Variants in KIAA0825 observed in about 807,000 individuals in gnomAD.
KIAA0825 encodes uncharacterized protein KIAA0825.
In KIAA0825, 119 loss-of-function variants were observed where a neutral mutation model predicts 147.6. The observed-to-expected ratio is 0.81, with a 90% CI of 0.69 to 0.94. The LOEUF (loss-of-function observed/expected upper bound fraction) is 0.94. KIAA0825 is among the 40% of genes least tolerant of loss of function. The pLI, the probability that KIAA0825 is intolerant of heterozygous loss-of-function variation, is 0.00. For synonymous variants in KIAA0825, 470 were observed against 518.1 expected, an observed-to-expected ratio of 0.91 and a Z score of 1.26; for missense variants, 1,381 against 1,472.7, an observed-to-expected ratio of 0.94 and a Z score of 1.02.
chr5:94,338,464 G>C (rs1358170975), intron 20 of KIAA0825, among the ~76,000 whole-genome samples: 1 of 151,658 alleles, frequency 6.6e-6, no homozygotes, highest in African/African-American at 2.4e-5. Flanking sequence ...TACTATATAT[G>C]GTGCCACATG....
At chr5:94,327,995 A>G (rs1354157212) in intron 20 of KIAA0825, among the ~76,000 whole-genome samples, 1 of 152,008 alleles carries the variant, frequency 6.6e-6, no homozygotes, top group Non-Finnish European at 1.5e-5. Flanking sequence ...ACAGAGCTAG[A>G]CTCCGTCTCA....
intron 20 of KIAA0825, among the ~76,000 whole-genome samples, chr5:94,159,427 T>C (rs974886955): frequency 4.6e-5 from 7 of 152,328 alleles, no homozygotes; most frequent in African/African-American, 1.4e-4. Flanking sequence ...AGAACGTTAC[T>C]CTTATTTTGT....
intron 9 of KIAA0825, among the ~76,000 whole-genome samples, chr5:94,470,490 T>G (rs1430788680): frequency 1.3e-5 from 2 of 152,248 alleles, no homozygotes; most frequent in Non-Finnish European, 2.9e-5. Context: ...AGAACCAACT[T>G]TTATAAAGCT....
chr5:94,608,335 C>G lies in KIAA0825; in HGVS notation c.-153+10165G>C, dbSNP rs995500948. ...GGAGTGCAGTGCTGCAATATCCGCT[C>G]ACTGCAACCTCTACCTCCCAAGTTC... is the stretch of plus-strand genomic sequence containing the variant. On this transcript the variant is annotated intron_variant, in intron 1 of 20. Transcript: ENST00000682413. 2.2e-5 allele frequency among the ~76,000 whole-genome samples: 3 copies of G among 133,528 alleles called. No individual in the cohort carries two copies. In the Admixed American group the frequency reaches 2.6e-4, roughly 12 times the overall value. 87.6% of individuals were successfully genotyped at this position (133,528 alleles called of 152,430 possible).
chr5:94,614,075 A>C (rs971754244), intron 1 of KIAA0825, among the ~76,000 whole-genome samples: 3 of 152,178 alleles, frequency 2.0e-5, no homozygotes, highest in African/African-American at 4.8e-5. Context: ...GTCAGTTTAA[A>C]AGTTATAACA....
At chr5:94,600,936 T>C (rs1786302423) in intron 1 of KIAA0825, among the ~76,000 whole-genome samples, 1 of 151,958 alleles carries the variant, frequency 6.6e-6, no homozygotes, top group Non-Finnish European at 1.5e-5. Flanking sequence ...TGGGAAAGAG[T>C]TTCTAGAGGG....
intron 20 of KIAA0825, among the ~76,000 whole-genome samples, chr5:94,240,493 T>G (rs1775291687): frequency 6.6e-6 from 1 of 152,186 alleles, no homozygotes; most frequent in South Asian, 2.1e-4. Flanking sequence ...TTAGTTTAAG[T>G]GTAAATAGAG....
intron 20 of KIAA0825, among the ~76,000 whole-genome samples, chr5:94,182,491 C>T (rs1708258299): frequency 1.3e-5 from 2 of 151,442 alleles, no homozygotes; most frequent in South Asian, 2.1e-4. Context: ...AATTTCTGAC[C>T]TCAGGTGATC....
chr5:94,333,651 C>G (rs945500664), intron 20 of KIAA0825, among the ~76,000 whole-genome samples: 2 of 152,132 alleles, frequency 1.3e-5, no homozygotes, highest in African/African-American at 4.8e-5. Flanking sequence ...AGTTTGAAGT[C>G]AGGTAATGTG....
intron 18 of KIAA0825, 71 bp downstream of exon 18, chr5:94,391,464 C>G: frequency 6.8e-7 from 1 of 1,481,368 alleles, no homozygotes; most frequent in Non-Finnish European, 9.2e-7. Flanking sequence ...TTGACTAACC[C>G]TTAGCTGCCA....
At chr5:94,277,290 G>A (rs890391424) in intron 20 of KIAA0825, among the ~76,000 whole-genome samples, 3 of 152,086 alleles carry the variant, frequency 2.0e-5, no homozygotes, top group Admixed American at 1.3e-4. Flanking sequence ...CTTCTGCACA[G>A]CAAAAGAAAC....
At chr5:94,220,378 G>A (rs1773575101) in intron 20 of KIAA0825, among the ~76,000 whole-genome samples, 1 of 152,016 alleles carries the variant, frequency 6.6e-6, no homozygotes, top group African/African-American at 2.4e-5. Flanking sequence ...TTTTTAATAA[G>A]TAGGAGTACA....
chr5:94,323,840 C>A (rs370290036), intron 20 of KIAA0825, among the ~76,000 whole-genome samples: 1 of 151,932 alleles, frequency 6.6e-6, no homozygotes, highest in African/African-American at 2.4e-5. Flanking sequence ...TACCTTCAAT[C>A]ATTTTGATGC....
chr5:94,418,615 A>G (rs976961776), intron 14 of KIAA0825, among the ~76,000 whole-genome samples: 11 of 152,134 alleles, frequency 7.2e-5, no homozygotes, highest in Middle Eastern at 3.4e-3. Context: ...CAGGTATCCA[A>G]TGAGAACCTT....
intron 14 of KIAA0825, among the ~76,000 whole-genome samples, chr5:94,421,048 G>A (rs915924121): frequency 1.3e-5 from 2 of 152,106 alleles, no homozygotes; most frequent in Non-Finnish European, 1.5e-5. Context: ...TGGATTCAGA[G>A]TTCCTTTTTG....
chr5:94,539,417 G>A (rs1390005854), intron 2 of KIAA0825, among the ~76,000 whole-genome samples: 3 of 152,086 alleles, frequency 2.0e-5, no homozygotes, highest in African/African-American at 7.2e-5. Context: ...ACCCTCTGTT[G>A]GGGTCTGGAT....
In KIAA0825 at chr5:94,565,009, C is replaced by T. The variant is rs202125023; in HGVS notation, c.-2+17424G>A. On this transcript the variant is annotated intron_variant, in intron 2 of 20. Transcript: ENST00000682413. ...TTCTCTTCTCCTCTCTCTCTCTCTCCCTCTCTCTCTCTCTCTCTCTTTCTT... is the reference window on the plus strand; with the variant it reads ...TTCTCTTCTCCTCTCTCTCTCTCTCTCTCTCTCTCTCTCTCTCTCTTTCTT... Among the ~76,000 whole-genome samples, 29 of 116,766 alleles carry T rather than the reference C, an allele frequency of 2.5e-4. 1 individual carries two copies. The highest frequency in any genetic ancestry group is 6.5e-4 in the African/African-American group (19 of 29,212). The allele number at this position is 116,766 out of a possible 152,430, so 76.6% of individuals were successfully genotyped here.
At chr5:94,570,917 T>A (rs1205371766) in intron 2 of KIAA0825, among the ~76,000 whole-genome samples, 1 of 152,194 alleles carries the variant, frequency 6.6e-6, no homozygotes, top group Non-Finnish European at 1.5e-5. Context: ...ACCATGAATA[T>A]TACCATGTCA....
At chr5:94,288,611 T>G (rs988724491) in intron 20 of KIAA0825, among the ~76,000 whole-genome samples, 4 of 152,180 alleles carry the variant, frequency 2.6e-5, no homozygotes, top group Non-Finnish European at 4.4e-5. Flanking sequence ...CCTGAGATGC[T>G]TTCCTATTTT....
Sources: gnomAD v4.1 joint callset for allele counts (sites outside exome capture counted in the v4.1 genomes callset) on GRCh38, gnomAD v4.1.1 for gene constraint, MANE v1.5 for transcripts, NCBI Gene and HGNC (gene_info 2026-07-23, HGNC 2026-07-21) for gene names.